PPP2R2B: variants seen among roughly 807,000 people sequenced by gnomAD.
The protein encoded by PPP2R2B is protein phosphatase 2 regulatory subunit Bbeta.
In PPP2R2B, 5 loss-of-function variants were observed where a neutral mutation model predicts 46.0. That is an observed-to-expected ratio of 0.11 (90% confidence interval 0.06 to 0.23). PPP2R2B has a LOEUF of 0.23. Ranked by LOEUF, PPP2R2B falls within the 10% of genes least tolerant of loss-of-function variation. The pLI is 1.00. For missense variants in PPP2R2B, 367 were observed against 575.0 expected, an observed-to-expected ratio of 0.64 and a Z score of 3.70; for synonymous variants, 215 against 206.7, an observed-to-expected ratio of 1.04 and a Z score of -0.34.
At chr5:146,983,023 AT>A (rs1249368109) in intron 1 of PPP2R2B, among the ~76,000 whole-genome samples, 1 of 151,878 alleles carries the variant, frequency 6.6e-6, no homozygotes, top group Non-Finnish European at 1.5e-5. Flanking sequence ...GACTATTTAG[AT>A]TCAATTACAT....
chr5:147,063,785 A>T (rs1467708369), intron 2 of PPP2R2B, among the ~76,000 whole-genome samples: 1 of 152,174 alleles, frequency 6.6e-6, no homozygotes, highest in Non-Finnish European at 1.5e-5. Flanking sequence ...ACAGATGAGA[A>T]TGTTAGAGGA....
At position 147,068,667 on chromosome 5, in the gene PPP2R2B, G is replaced by A. The variant is rs116943431; in HGVS notation, c.50+12392C>T. ...TCAGGTACACCTGATGAGAAGCTGC[G>A]CTTTACATGAATCATTGACTGAAGA... is the stretch of plus-strand genomic sequence containing the variant. On this transcript the variant is annotated intron_variant, in intron 2 of 10. Transcript: ENST00000394413. Among the ~76,000 whole-genome samples the A allele has an allele frequency of 1.4e-3, 210 of 152,240 alleles. 4 individuals are homozygous for A. The East Asian group carries it at 0.033, about 24-fold the overall frequency.
intron 2 of PPP2R2B, among the ~76,000 whole-genome samples, chr5:146,792,094 C>T (rs1425522562): frequency 3.3e-5 from 5 of 152,174 alleles, no homozygotes. Flanking sequence ...GAGGCTGGAA[C>T]AGCTGCTGGG....
At chr5:147,006,934 A>G (rs1236489533) in intron 1 of PPP2R2B, among the ~76,000 whole-genome samples, 5 of 152,148 alleles carry the variant, frequency 3.3e-5, no homozygotes, top group African/African-American at 9.7e-5. Context: ...CTCTTATACC[A>G]TCCTCTGGAG....
chr5:146,634,598 G>A (rs931652834), intron 7 of PPP2R2B, among the ~76,000 whole-genome samples: 1 of 152,146 alleles, frequency 6.6e-6, no homozygotes, highest in East Asian at 1.9e-4. Flanking sequence ...GCCTCCTAAA[G>A]TGCTGGGATT....
chr5:146,890,111 T>G (rs924396294), intron 1 of PPP2R2B, among the ~76,000 whole-genome samples: 3 of 152,244 alleles, frequency 2.0e-5, no homozygotes, highest in Admixed American at 2.0e-4. Flanking sequence ...AAAAATTTAT[T>G]GGACAATTAA....
intron 2 of PPP2R2B, among the ~76,000 whole-genome samples, chr5:146,750,238 C>T (rs1037417461): frequency 6.6e-6 from 1 of 152,044 alleles, no homozygotes; most frequent in Non-Finnish European, 1.5e-5. Flanking sequence ...CTGATTCTTC[C>T]CAGTTTATTA....
chr5:147,056,079 C>T, upstream of PPP2R2B: 3 of 1,099,882 alleles, frequency 2.7e-6, no homozygotes, highest in Non-Finnish European at 3.3e-6. Flanking sequence ...CTGCCTGAAA[C>T]CTCTACCTTT....
chr5:146,716,458 C>CTAA (rs1423324680), intron 2 of PPP2R2B, among the ~76,000 whole-genome samples: 2 of 151,880 alleles, frequency 1.3e-5, no homozygotes, highest in Non-Finnish European at 2.9e-5. Context: ...GAACCTTTCT[C>CTAA]TAATAATACA....
intron 5 of PPP2R2B, among the ~76,000 whole-genome samples, chr5:146,665,559 T>C (rs1219635141): frequency 1.3e-5 from 2 of 152,222 alleles, no homozygotes; most frequent in African/African-American, 4.8e-5. Flanking sequence ...ACCTTCTCTA[T>C]GTCAGCAAGA....
intron 1 of PPP2R2B, among the ~76,000 whole-genome samples, chr5:146,994,428 C>T (rs1239357841): frequency 2.0e-5 from 3 of 151,952 alleles, no homozygotes; most frequent in Non-Finnish European, 2.9e-5. Context: ...TCATGAGAGA[C>T]GATCCCAGGA....
chr5:146,844,097 G>T (rs570963709), intron 2 of PPP2R2B, among the ~76,000 whole-genome samples: 1 of 149,538 alleles, frequency 6.7e-6, no homozygotes, highest in Non-Finnish European at 1.5e-5. Flanking sequence ...GTAAACTATC[G>T]CAAGAACAAA....
At position 146,997,243 on chromosome 5, in the gene PPP2R2B, AGAAGGGGAT is replaced by A. The variant is rs1753963012; in HGVS notation, c.79+58413_79+58421del. Among the ~76,000 whole-genome samples, 9 of 152,304 alleles carry A rather than the reference AGAAGGGGAT, an allele frequency of 5.9e-5. No individual in the cohort carries two copies. The South Asian group carries it at 1.9e-3, about 32-fold the overall frequency. ...GCAGCCATGGAGATAGGTCTGAAAA[AGAAGGGGAT>A]AACTTGGATTCAGAGGGGCCCTTCT... On this transcript the variant is annotated intron_variant, in intron 1 of 8. Coordinates refer to the PPP2R2B transcript ENST00000336640.
Position 146,807,635 on chromosome 5 carries a change from G to GAGATGTAACTTGC in PPP2R2B, c.70+70354_70+70366dup, listed in dbSNP as rs572958666. On this transcript the variant is annotated intron_variant, in intron 2 of 9. Transcript: ENST00000394411. ...TCACAGATGAGAAATGTGGATCTTG[G>GAGATGTAACTTGC]AGATGTAACTTGCCCAAATTCCAAG... is the stretch of plus-strand genomic sequence containing the variant. 2.1e-3 allele frequency among the ~76,000 whole-genome samples: 324 copies of GAGATGTAACTTGC among 152,130 alleles called. 2 individuals carry two copies. The South Asian group carries it at 0.031, about 15-fold the overall frequency.
intron 2 of PPP2R2B, among the ~76,000 whole-genome samples, chr5:146,821,992 CAAGT>C (rs956075305): frequency 3.3e-5 from 5 of 152,122 alleles, no homozygotes; most frequent in Admixed American, 6.5e-5. Flanking sequence ...ATCCGTGGCC[CAAGT>C]AAGACTAGAA....
intron 2 of PPP2R2B, among the ~76,000 whole-genome samples, chr5:146,776,553 G>A (rs1378946518): frequency 1.3e-5 from 2 of 152,026 alleles, no homozygotes; most frequent in Non-Finnish European, 2.9e-5. Context: ...ACTGTTGCAA[G>A]AAAATATAAT....
chr5:147,035,464 C>A (rs954566743), intron 1 of PPP2R2B, among the ~76,000 whole-genome samples: 5 of 152,094 alleles, frequency 3.3e-5, no homozygotes, highest in Admixed American at 6.6e-5. Context: ...AGGGACAAAC[C>A]AAAGTCAGGT....
chr5:146,970,143 T>C (rs1341516019), intron 1 of PPP2R2B, among the ~76,000 whole-genome samples: 1 of 152,196 alleles, frequency 6.6e-6, no homozygotes, highest in East Asian at 1.9e-4. Context: ...ATACTTATTA[T>C]TCCCATTTTG....
intron 1 of PPP2R2B, among the ~76,000 whole-genome samples, chr5:147,019,716 C>T (rs1206581025): frequency 6.6e-6 from 1 of 152,106 alleles, no homozygotes; most frequent in Non-Finnish European, 1.5e-5. Flanking sequence ...AACAACTAGT[C>T]TAAGAAATAT....
Sources: gnomAD v4.1 joint callset for allele counts (sites outside exome capture counted in the v4.1 genomes callset) on GRCh38, gnomAD v4.1.1 for gene constraint, MANE v1.5 for transcripts, NCBI Gene and HGNC (gene_info 2026-07-23, HGNC 2026-07-21) for gene names.